The following CSMD3 variants were observed in gnomAD, a reference collection of about 807,000 sequenced individuals.
The protein encoded by CSMD3 is CUB and Sushi multiple domains 3, also known as CUB and sushi domain-containing protein 3.
In CSMD3, 177 loss-of-function variants were observed where a neutral mutation model predicts 435.2. That is an observed-to-expected ratio of 0.41 (90% CI 0.36 to 0.46). The LOEUF (loss-of-function observed/expected upper bound fraction) is 0.46. CSMD3 is among the 20% of genes least tolerant of loss of function. The pLI, the probability that CSMD3 is intolerant of heterozygous loss-of-function variation, is 0.34. For missense variants in CSMD3, 4,265 were observed against 4,504.6 expected (o/e 0.95, Z 1.52); for synonymous variants, 1,656 against 1,520.5 (o/e 1.09, Z -2.07).
intron 32 of CSMD3, among the ~76,000 whole-genome samples, chr8:112,447,335 C>T (rs1034516194): frequency 2.6e-5 from 4 of 152,082 alleles, no homozygotes; most frequent in African/African-American, 9.7e-5. Flanking sequence ...CATTACCCAG[C>T]TTCAGCAATT....
intron 7 of CSMD3, among the ~76,000 whole-genome samples, chr8:112,973,867 T>C (rs1241928578): frequency 6.6e-6 from 1 of 151,898 alleles, no homozygotes; most frequent in East Asian, 1.9e-4. Flanking sequence ...AAGTAGAAAG[T>C]TGATAAAAGT....
At chr8:112,708,230 T>G (rs139066888) in intron 13 of CSMD3, among the ~76,000 whole-genome samples, 161 of 152,108 alleles carry the variant, frequency 1.1e-3, no homozygotes, top group Non-Finnish European at 1.5e-3. Context: ...TTAGTAATTA[T>G]AGTACAGAAG....
chr8:113,244,903 A>G (rs1242524804), intron 3 of CSMD3, among the ~76,000 whole-genome samples: 2 of 152,074 alleles, frequency 1.3e-5, no homozygotes, highest in African/African-American at 2.4e-5. Flanking sequence ...TGTTGAATTC[A>G]CCAACTAATT....
chr8:112,717,093 T>G (rs1220000651), intron 13 of CSMD3, among the ~76,000 whole-genome samples: 1 of 152,088 alleles, frequency 6.6e-6, no homozygotes, highest in Non-Finnish European at 1.5e-5. Flanking sequence ...CTAAAGAGCT[T>G]CTGCACAGCA....
intron 12 of CSMD3, among the ~76,000 whole-genome samples, chr8:112,820,680 G>A (rs1051800438): frequency 1.4e-4 from 21 of 149,992 alleles, no homozygotes; most frequent in Admixed American, 1.3e-3. Flanking sequence ...CGGGATACAA[G>A]TGCAGAACTT....
intron 35 of CSMD3, among the ~76,000 whole-genome samples, chr8:112,401,583 A>T (rs1229451811): frequency 6.6e-6 from 1 of 152,146 alleles, no homozygotes; most frequent in Non-Finnish European, 1.5e-5. Context: ...ATTTTATGTT[A>T]AAAAATTTGC....
intron 24 of CSMD3, among the ~76,000 whole-genome samples, chr8:112,566,966 C>G (rs1336595363): frequency 1.3e-5 from 2 of 152,086 alleles, no homozygotes; most frequent in Non-Finnish European, 2.9e-5. Flanking sequence ...GGGAACCCCT[C>G]TCTCTCACAA....
At chr8:113,260,204 G>A (rs903666635) in intron 3 of CSMD3, among the ~76,000 whole-genome samples, 1 of 152,108 alleles carries the variant, frequency 6.6e-6, no homozygotes, top group South Asian at 2.1e-4. Context: ...GACCAATACA[G>A]GCAGGATTGA....
intron 3 of CSMD3, among the ~76,000 whole-genome samples, chr8:113,225,887 C>T (rs779676501): frequency 3.3e-5 from 5 of 151,482 alleles, no homozygotes; most frequent in Admixed American, 1.3e-4. Flanking sequence ...TGTTGAAGAA[C>T]GGACCTCATG....
chr8:112,320,983 C>T (rs557426777), intron 45 of CSMD3, among the ~76,000 whole-genome samples: 117 of 152,236 alleles, frequency 7.7e-4, no homozygotes, highest in African/African-American at 2.7e-3. Flanking sequence ...AAGGCCACCA[C>T]GACAAAGTCT....
At chr8:112,579,206 T>C (rs1232781265) in intron 23 of CSMD3, among the ~76,000 whole-genome samples, 1 of 152,074 alleles carries the variant, frequency 6.6e-6, no homozygotes, top group Non-Finnish European at 1.5e-5. Context: ...AGTTTTCAAA[T>C]ACTGAAAAAA....
chr8:112,424,723 C>T lies in CSMD3; in HGVS notation c.5396-15691G>A, dbSNP rs183376035. Among the ~76,000 whole-genome samples the T allele has an allele frequency of 4.4e-3, 662 of 152,168 alleles. 2 individuals carry two copies. Among genetic ancestry groups the T allele is most frequent in the Middle Eastern group, 0.034 (10 of 294 alleles). Reference sequence around the variant, plus strand: ...TATTTATTTATTTGAGGCGGAGTCTCACTCTGTCACTAGGCTGGAGTACAG... The same window carrying T: ...TATTTATTTATTTGAGGCGGAGTCTTACTCTGTCACTAGGCTGGAGTACAG... On this transcript the variant is annotated intron_variant, in intron 32 of 70. Coordinates refer to ENST00000297405, the MANE Select transcript of CSMD3 (RefSeq NM_198123.2).
intron 1 of CSMD3, among the ~76,000 whole-genome samples, chr8:113,406,560 A>G (rs540573047): frequency 1.1e-4 from 17 of 151,994 alleles, no homozygotes; most frequent in Non-Finnish European, 1.3e-4. Flanking sequence ...TAGTCTAAAT[A>G]GTAAGCTCCA....
intron 22 of CSMD3, among the ~76,000 whole-genome samples, chr8:112,593,998 A>G (rs1011191654): frequency 2.6e-5 from 4 of 152,168 alleles, no homozygotes; most frequent in African/African-American, 7.2e-5. Flanking sequence ...AGTGAAAGGA[A>G]TAGTACAGGG....
intron 47 of CSMD3, among the ~76,000 whole-genome samples, chr8:112,315,734 G>T (rs1822398387): frequency 6.6e-6 from 1 of 151,812 alleles, no homozygotes; most frequent in Non-Finnish European, 1.5e-5. Context: ...ATGAATGGGT[G>T]AACTAGATAA....
chr8:113,299,656 G>A (rs1039815785), intron 2 of CSMD3, among the ~76,000 whole-genome samples: 2 of 151,952 alleles, frequency 1.3e-5, no homozygotes, highest in Admixed American at 6.6e-5. Flanking sequence ...AATTAAAACC[G>A]CAATGAGATA....
At chr8:113,427,607 TC>T (rs2094643537) in intron 1 of CSMD3, among the ~76,000 whole-genome samples, 1 of 151,634 alleles carries the variant, frequency 6.6e-6, no homozygotes, top group African/African-American at 2.4e-5. Context: ...GCCTGTCCCC[TC>T]TTTTATGTGA....
chr8:112,632,580 C>G (rs2074545467), intron 22 of CSMD3, among the ~76,000 whole-genome samples: 1 of 152,016 alleles, frequency 6.6e-6, no homozygotes, highest in Admixed American at 6.6e-5. Context: ...ACAACATGTT[C>G]TTTCATTAGC....
At chr8:112,287,307 T>TA in intron 57 of CSMD3, 61 bp from the exon 58 acceptor site, 2 of 1,520,716 alleles carry the variant, frequency 1.3e-6, no homozygotes, top group East Asian at 2.3e-5. Flanking sequence ...GTTTACCAGT[T>TA]AGTCCAAGGG....
Sources: allele counts gnomAD v4.1 joint callset (sites outside exome capture counted in the v4.1 genomes callset), GRCh38; gene constraint gnomAD v4.1.1; transcripts MANE v1.5; gene names NCBI Gene and HGNC (gene_info 2026-07-23, HGNC 2026-07-21).